UIMC1: variants seen among roughly 807,000 people sequenced by gnomAD.
UIMC1 encodes BRCA1-A complex subunit RAP80.
A neutral mutation model predicts 84.9 loss-of-function variants in UIMC1; 42 were observed. That is an observed-to-expected ratio of 0.49 (90% CI 0.39 to 0.64). The LOEUF (loss-of-function observed/expected upper bound fraction) is 0.64, where lower values mean the gene tolerates loss of function less well. Ranked by LOEUF, UIMC1 falls within the 30% of genes least tolerant of loss-of-function variation. The pLI, the probability that UIMC1 is intolerant of heterozygous loss-of-function variation, is 0.00. For missense variants in UIMC1, 825 were observed against 847.6 expected (o/e 0.97, Z 0.33); for synonymous variants, 281 against 293.0 (o/e 0.96, Z 0.42).
intron 2 of UIMC1, among the ~76,000 whole-genome samples, 176 bp from the exon 3 acceptor site, chr5:176,975,656 AAC>A (rs1196859545): frequency 6.6e-6 from 1 of 152,216 alleles, no homozygotes. Flanking sequence ...TAAGATCTAG[AAC>A]CAATAAAAAC....
chr5:176,981,203 G>A (rs1415277100), intron 2 of UIMC1, among the ~76,000 whole-genome samples: 1 of 144,818 alleles, frequency 6.9e-6, no homozygotes, highest in African/African-American at 2.6e-5. Flanking sequence ...AGACTGCAGT[G>A]GCGCAATCTC....
At chr5:176,925,698 A>G (rs1163174823) in intron 10 of UIMC1, among the ~76,000 whole-genome samples, 1 of 152,248 alleles carries the variant, frequency 6.6e-6, no homozygotes, top group Non-Finnish European at 1.5e-5. Context: ...GATTCTACTA[A>G]TATCAAACTG....
At chr5:176,938,941 T>C (rs1764064802) in intron 10 of UIMC1, among the ~76,000 whole-genome samples, 1 of 151,348 alleles carries the variant, frequency 6.6e-6, no homozygotes, top group African/African-American at 2.4e-5. Flanking sequence ...TCATAAGGCC[T>C]AGCACCATTT....
At chr5:176,927,447 T>A (rs1284309787) in intron 10 of UIMC1, among the ~76,000 whole-genome samples, 1 of 151,936 alleles carries the variant, frequency 6.6e-6, no homozygotes, top group Non-Finnish European at 1.5e-5. Context: ...AGAGATGGTG[T>A]TTCACCACAT....
At chr5:177,008,117 A>AG (rs553038578), upstream of UIMC1, among the ~76,000 whole-genome samples, 1,320 of 151,512 alleles carry the variant, frequency 8.7e-3, 8 homozygotes, top group South Asian at 0.023. Flanking sequence ...AAAAAAAAAA[A>AG]AGAGAGAGAG....
At chr5:176,969,391 A>G in intron 5 of UIMC1, 100 bp from the exon 6 acceptor site, 1 of 1,477,652 alleles carries the variant, frequency 6.8e-7, no homozygotes, top group Non-Finnish European at 9.1e-7. Context: ...ATGGGTAAGA[A>G]AGGCTCTTCT....
At chr5:176,975,310 A>C (rs1480162446) in intron 3 of UIMC1, 86 bp downstream of exon 3, 2 of 1,315,094 alleles carry the variant, frequency 1.5e-6, no homozygotes, top group East Asian at 4.7e-5. Context: ...GAGACCTAAG[A>C]ATGCAACATA....
chr5:177,012,514 G>A (rs1265902801), intron 1 of UIMC1, among the ~76,000 whole-genome samples: 3 of 151,978 alleles, frequency 2.0e-5, no homozygotes, highest in Non-Finnish European at 4.4e-5. Flanking sequence ...CCAACATGGA[G>A]AAATGTTGTC....
At chr5:176,986,834 G>A (rs1341462754) in intron 1 of UIMC1, among the ~76,000 whole-genome samples, 1 of 152,008 alleles carries the variant, frequency 6.6e-6, no homozygotes, top group Non-Finnish European at 1.5e-5. Flanking sequence ...TAAGCAAAGA[G>A]AAATAAAAGA....
intron 1 of UIMC1, among the ~76,000 whole-genome samples, chr5:176,990,629 T>G (rs924515593): frequency 6.6e-5 from 10 of 152,188 alleles, no homozygotes; most frequent in African/African-American, 2.4e-4. Context: ...CACATGCAAC[T>G]TTGTACAAAT....
intron 1 of UIMC1, among the ~76,000 whole-genome samples, chr5:177,012,722 G>T (rs1218186290): frequency 6.6e-6 from 1 of 151,528 alleles, no homozygotes; most frequent in African/African-American, 2.4e-5. Context: ...CACACAAAAA[G>T]AAACCACACT....
At chr5:176,942,525 G>A (rs1333240877) in intron 10 of UIMC1, among the ~76,000 whole-genome samples, 1 of 150,442 alleles carries the variant, frequency 6.6e-6, no homozygotes, top group African/African-American at 2.5e-5. Flanking sequence ...GGTGGATCAC[G>A]AGGTCAGGAG....
In UIMC1 at chr5:176,968,624, C is replaced by G. The variant is rs1233639473; in HGVS notation, c.1131G>C (p.Gln377His). The change falls in exon 6 of 15, where the codon CAG (glutamine) becomes CAC (histidine). Residue 377 changes from glutamine (Q) to histidine (H), a missense_variant. By Grantham distance (24) the Gln-to-His change is conservative. Coordinates refer to ENST00000511320, the MANE Select transcript of UIMC1 (RefSeq NM_001199298.2). ...SDWHSKTKDF[Q>H]ESSIKSLKEK... ...CTTTCAAGCTTTTAATTGAGCTTTC[C>G]TGGAAATCCTTGGTTTTTGAGTGCC... 3 of 1,613,600 alleles carry G rather than the reference C, an allele frequency of 1.9e-6. No individual in the cohort carries two copies. Among genetic ancestry groups the G allele is most frequent in the Non-Finnish European group, 2.5e-6 (3 of 1,179,912 alleles).
chr5:176,920,350 T>A lies in UIMC1; in HGVS notation c.1598-8961A>T, dbSNP rs990454486. 2.6e-5 allele frequency among the ~76,000 whole-genome samples: 4 copies of A among 152,170 alleles called. No homozygotes were observed. The East Asian group carries it at 7.7e-4, about 29-fold the overall frequency. On this transcript the variant is annotated intron_variant, in intron 10 of 14. Transcript: ENST00000511320. ...GCCTAGCTGGGATTTTGAAAAGGAT[T>A]TGAAATCTGTAGATCAACTTGGTGA...
chr5:176,908,454 G>A, intron 12 of UIMC1, 69 bp downstream of exon 12: 1 of 1,519,714 alleles, frequency 6.6e-7, no homozygotes, highest in Non-Finnish European at 8.9e-7. Flanking sequence ...AGCCAGAACA[G>A]AACTGTGGCC....
chr5:176,919,264 A>G (rs1761410990), intron 10 of UIMC1: 1 of 280,752 alleles, frequency 3.6e-6, no homozygotes, highest in Non-Finnish European at 7.1e-6. Context: ...GGGCAACAGA[A>G]AGAGAGTTCT....
intron 10 of UIMC1, chr5:176,919,218 G>T (rs1373793416): frequency 7.9e-6 from 3 of 378,190 alleles, no homozygotes; most frequent in Non-Finnish European, 1.5e-5. Context: ...GGCAGAGGCT[G>T]CAGCGAGCCA....
At chr5:177,005,061 ATTT>A (rs925952557) in intron 1 of UIMC1, among the ~76,000 whole-genome samples, 12 of 147,146 alleles carry the variant, frequency 8.2e-5, no homozygotes, top group African/African-American at 2.7e-4. Flanking sequence ...CGCCCAGCTA[ATTT>A]TTTTTTTTTA....
Position 176,968,705 on chromosome 5 carries a change from T to G in UIMC1, c.1050A>C (p.Ser350=). ...EQASEKNECI[S]EDMGDEDKEE... ...CTTTGTCTTCATCTCCCATATCTTC[T>G]GAGATGCATTCATTTTTCTCACTAG... Residue 350 remains serine (S), a synonymous_variant, in exon 6 of 15, where the codon TCA becomes TCC. Coordinates refer to ENST00000511320, the MANE Select transcript of UIMC1 (RefSeq NM_001199298.2). 2 of 1,614,178 alleles carry G rather than the reference T, an allele frequency of 1.2e-6. No homozygotes were observed. The highest frequency in any genetic ancestry group is 1.7e-6 in the Non-Finnish European group (2 of 1,180,028).
Sources: gnomAD v4.1 joint callset for allele counts (sites outside exome capture counted in the v4.1 genomes callset) on GRCh38, gnomAD v4.1.1 for gene constraint, MANE v1.5 for transcripts, NCBI Gene and HGNC (gene_info 2026-07-23, HGNC 2026-07-21) for gene names.